MACROD2: variants seen among roughly 807,000 people sequenced by gnomAD.
The protein encoded by MACROD2 is mono-ADP ribosylhydrolase 2.
In MACROD2, 36 loss-of-function variants were observed where a neutral mutation model predicts 70.4. That is an observed-to-expected ratio of 0.51 (90% CI 0.39 to 0.68). MACROD2 has a LOEUF of 0.68. Ranked by LOEUF, MACROD2 falls within the 30% of genes least tolerant of loss-of-function variation. MACROD2 has a pLI of 0.00. For synonymous variants in MACROD2, 172 were observed against 178.8 expected (o/e 0.96, Z 0.30); for missense variants, 496 against 538.4 (o/e 0.92, Z 0.78).
intron 8 of MACROD2, among the ~76,000 whole-genome samples, chr20:15,829,959 T>G (rs2064036661): frequency 6.6e-6 from 1 of 152,156 alleles, no homozygotes; most frequent in Non-Finnish European, 1.5e-5. Context: ...ACTCAAGGAA[T>G]AGGATGCACA....
intron 5 of MACROD2, among the ~76,000 whole-genome samples, chr20:15,020,609 T>A (rs758580599): frequency 5.9e-5 from 9 of 152,086 alleles, no homozygotes; most frequent in Non-Finnish European, 1.3e-4. Context: ...CATGTGAACA[T>A]CGTAGAGTGA....
intron 5 of MACROD2, among the ~76,000 whole-genome samples, chr20:14,756,871 G>A (rs116556392): frequency 0.019 from 2,861 of 152,158 alleles, 133 homozygotes; most frequent in African/African-American, 0.065. Context: ...TAGTGAGTGA[G>A]TTCTCGTGGG....
At chr20:15,034,794 C>T (rs930622280) in intron 5 of MACROD2, among the ~76,000 whole-genome samples, 1 of 152,096 alleles carries the variant, frequency 6.6e-6, no homozygotes, top group Non-Finnish European at 1.5e-5. Context: ...TTGATGCTAA[C>T]AAAACATTTT....
chr20:15,795,845 A>G (rs953089336), intron 8 of MACROD2, among the ~76,000 whole-genome samples: 2 of 152,202 alleles, frequency 1.3e-5, no homozygotes, highest in African/African-American at 4.8e-5. Context: ...TACTGTATGC[A>G]CACATTTCAA....
At chr20:15,271,834 G>T (rs948999324) in intron 6 of MACROD2, among the ~76,000 whole-genome samples, 1 of 152,130 alleles carries the variant, frequency 6.6e-6, no homozygotes, top group South Asian at 2.1e-4. Context: ...TTAAGGCACC[G>T]TGCTACCTAC....
At chr20:14,593,952 G>T (rs1981949148) in intron 4 of MACROD2, among the ~76,000 whole-genome samples, 1 of 152,098 alleles carries the variant, frequency 6.6e-6, no homozygotes, top group African/African-American at 2.4e-5. Context: ...GTCTAAAATG[G>T]TCTTGATTTA....
chr20:15,274,887 C>T (rs1005424250), intron 6 of MACROD2, among the ~76,000 whole-genome samples: 2 of 152,136 alleles, frequency 1.3e-5, no homozygotes, highest in African/African-American at 4.8e-5. Flanking sequence ...TGAGGAAAGG[C>T]TTCCTGGAAG....
intron 5 of MACROD2, among the ~76,000 whole-genome samples, chr20:15,132,701 C>T (rs1465088081): frequency 6.6e-6 from 1 of 151,814 alleles, no homozygotes; most frequent in Non-Finnish European, 1.5e-5. Flanking sequence ...AAGAAAACAA[C>T]AAATATTTGA....
At chr20:14,961,987 T>C (rs2074587399) in intron 5 of MACROD2, among the ~76,000 whole-genome samples, 2 of 152,018 alleles carry the variant, frequency 1.3e-5, no homozygotes, top group Non-Finnish European at 2.9e-5. Context: ...CCTTTTTGTT[T>C]GTTTGTTTTT....
At chr20:14,573,344 GT>G (rs1980345913) in intron 4 of MACROD2, among the ~76,000 whole-genome samples, 1 of 152,060 alleles carries the variant, frequency 6.6e-6, no homozygotes, top group Admixed American at 6.6e-5. Flanking sequence ...ATTGATTGTG[GT>G]ATGCCAAGTT....
In MACROD2 at chr20:14,818,326, A is replaced by G. The variant is rs1051840499; in HGVS notation, c.418+133367A>G. On this transcript the variant is annotated intron_variant, in intron 5 of 17. Transcript: ENST00000684519. ...TCTATGGGAATCATTTACTTCGTCT[A>G]CTATGAGTAGTACAAAATCCTACTA... Among the ~76,000 whole-genome samples, 6 of 152,070 alleles carry G rather than the reference A, an allele frequency of 3.9e-5. 1 individual carries two copies. The highest frequency in any genetic ancestry group is 5.9e-5 in the Non-Finnish European group (4 of 67,982).
At chr20:14,978,885 AT>A (rs1568909302) in intron 5 of MACROD2, among the ~76,000 whole-genome samples, 4 of 13,174 alleles carry the variant, frequency 3.0e-4, no homozygotes, top group African/African-American at 4.8e-4. Flanking sequence ...AATATATAAA[AT>A]ATATATATTA....
At chr20:15,172,690 G>A (rs78142990) in intron 5 of MACROD2, among the ~76,000 whole-genome samples, 4,933 of 152,220 alleles carry the variant, frequency 0.032, 134 homozygotes, top group Non-Finnish European at 0.045. Context: ...CATTAGAGGC[G>A]TGAGCCCCTC....
chr20:14,979,635 TAA>T (rs926904792), intron 5 of MACROD2, among the ~76,000 whole-genome samples: 9 of 152,348 alleles, frequency 5.9e-5, no homozygotes, highest in African/African-American at 2.2e-4. Flanking sequence ...TGCTTCGACA[TAA>T]ATGTCAATGT....
intron 5 of MACROD2, among the ~76,000 whole-genome samples, chr20:14,987,686 A>G (rs972747449): frequency 1.3e-5 from 2 of 152,176 alleles, no homozygotes; most frequent in African/African-American, 4.8e-5. Context: ...CTCTGTAGAC[A>G]CATTTCATAG....
intron 5 of MACROD2, among the ~76,000 whole-genome samples, chr20:14,870,909 T>C (rs1460448527): frequency 6.6e-6 from 1 of 152,118 alleles, no homozygotes; most frequent in Non-Finnish European, 1.5e-5. Context: ...TCTGTTCACT[T>C]TGTTGATAGA....
intron 5 of MACROD2, among the ~76,000 whole-genome samples, chr20:15,135,648 C>G (rs1226940711): frequency 5.0e-5 from 6 of 120,880 alleles, no homozygotes; most frequent in African/African-American, 9.7e-5. Flanking sequence ...CCTTTGAAAA[C>G]TGGCACAAGA....
chr20:15,851,568 T>C (rs1487479439), intron 8 of MACROD2, among the ~76,000 whole-genome samples: 1 of 152,116 alleles, frequency 6.6e-6, no homozygotes, highest in Non-Finnish European at 1.5e-5. Flanking sequence ...CGTGACCTCA[T>C]TTTACTGCAT....
chr20:15,458,114 T>C (rs1354693551), intron 7 of MACROD2, among the ~76,000 whole-genome samples: 1 of 152,184 alleles, frequency 6.6e-6, no homozygotes, highest in Non-Finnish European at 1.5e-5. Flanking sequence ...AAAGGAACTT[T>C]GGGCTATAAA....
Sources: allele counts gnomAD v4.1 joint callset (sites outside exome capture counted in the v4.1 genomes callset), GRCh38; gene constraint gnomAD v4.1.1; transcripts MANE v1.5; gene names NCBI Gene and HGNC (gene_info 2026-07-23, HGNC 2026-07-21).